NTNG1: variants seen among roughly 807,000 people sequenced by gnomAD.
NTNG1 encodes netrin-G1.
In NTNG1, 16 loss-of-function variants were observed where a neutral mutation model predicts 54.0. The observed-to-expected ratio is 0.30, with a 90% confidence interval of 0.20 to 0.45. The LOEUF (loss-of-function observed/expected upper bound fraction) is 0.45, where lower values mean the gene tolerates loss of function less well. Among genes scored for constraint, NTNG1 ranks in the 20% least tolerant of loss-of-function variants. The probability of loss-of-function intolerance (pLI) is 1.00; values close to 1 mark genes in which losing one functional copy is unlikely to be tolerated. For synonymous variants in NTNG1, 255 were observed against 263.1 expected (o/e 0.97, Z 0.30); for missense variants, 530 against 678.7 (o/e 0.78, Z 2.43).
intron 3 of NTNG1, among the ~76,000 whole-genome samples, chr1:107,341,513 T>C (rs1668894883): frequency 1.3e-5 from 2 of 152,092 alleles, no homozygotes; most frequent in Non-Finnish European, 2.9e-5. Context: ...TGAAGTTATA[T>C]TATACCCCAT....
intron 2 of NTNG1, among the ~76,000 whole-genome samples, chr1:107,316,609 T>G (rs1366754988): frequency 6.6e-6 from 1 of 151,962 alleles, no homozygotes; most frequent in African/African-American, 2.4e-5. Flanking sequence ...ATAAAATATC[T>G]GTTTTTTATA....
chr1:107,387,512 C>T (rs2101057827), intron 3 of NTNG1, among the ~76,000 whole-genome samples: 1 of 152,332 alleles, frequency 6.6e-6, no homozygotes, highest in East Asian at 1.9e-4. Context: ...CTAACAAGCC[C>T]TCTGCTGATA....
At chr1:107,358,209 A>G (rs751410534) in intron 3 of NTNG1, among the ~76,000 whole-genome samples, 1 of 152,134 alleles carries the variant, frequency 6.6e-6, no homozygotes, top group Non-Finnish European at 1.5e-5. Context: ...AATGCAATTG[A>G]GAGAAAATAT....
intron 2 of NTNG1, among the ~76,000 whole-genome samples, chr1:107,283,590 G>C (rs1665008049): frequency 6.6e-6 from 1 of 152,190 alleles, no homozygotes; most frequent in Non-Finnish European, 1.5e-5. Context: ...ATTAATTGCT[G>C]TATTGCCATT....
At chr1:107,185,445 G>GTGTGTC (rs1334310357) in intron 2 of NTNG1, among the ~76,000 whole-genome samples, 2 of 152,080 alleles carry the variant, frequency 1.3e-5, no homozygotes, top group Non-Finnish European at 2.9e-5. Context: ...TTCACTCTGT[G>GTGTGTC]TGTGTCTGTG....
chr1:107,281,471 A>G (rs1268070419), intron 2 of NTNG1, among the ~76,000 whole-genome samples: 2 of 152,174 alleles, frequency 1.3e-5, no homozygotes, highest in East Asian at 3.8e-4. Context: ...AGTTTTCAAG[A>G]TAATTGAGGA....
chr1:107,361,391 A>ATATATATATAT (rs370815306), intron 3 of NTNG1, among the ~76,000 whole-genome samples: 8 of 87,976 alleles, frequency 9.1e-5, no homozygotes, highest in Non-Finnish European at 8.6e-5. Context: ...ATATATATAT[A>ATATATATATAT]TTTTTTTTTT....
chr1:107,319,064 C>T (rs1408792524), intron 2 of NTNG1, among the ~76,000 whole-genome samples: 2 of 152,146 alleles, frequency 1.3e-5, no homozygotes, highest in Non-Finnish European at 2.9e-5. Flanking sequence ...ATTGTTCTTA[C>T]CTCTGGTACT....
intron 3 of NTNG1, among the ~76,000 whole-genome samples, chr1:107,383,272 A>G (rs1671758086): frequency 6.6e-6 from 1 of 152,228 alleles, no homozygotes; most frequent in Non-Finnish European, 1.5e-5. Flanking sequence ...CTCTAGCCAG[A>G]GCCTGCCTGA....
intron 2 of NTNG1, among the ~76,000 whole-genome samples, chr1:107,262,317 T>C (rs1441299317): frequency 6.6e-6 from 1 of 151,708 alleles, no homozygotes; most frequent in Non-Finnish European, 1.5e-5. Context: ...CAGAATGGAG[T>C]CTTTTGTGGG....
At position 107,324,341 on chromosome 1, in the gene NTNG1, C is replaced by G. The variant is rs1210488712; in HGVS notation, c.306C>G (p.Pro102=). ...CGAGTACCCCTGAGCTGGCACACCC[C>G]CCTGAGCTGATGTTTGATTTTGAAG... ...CDASTPELAH[P]PELMFDFEGR... The change falls in exon 3 of 8, where the codon CCC becomes CCG. Residue 102 remains proline, a synonymous_variant. Transcript: ENST00000370068. 6.2e-7 allele frequency: 1 copy of G among 1,613,684 alleles called. No homozygotes were observed. Among genetic ancestry groups the G allele is most frequent in the South Asian group, 1.1e-5 (1 of 91,070 alleles).
chr1:107,311,046 C>T (rs1193811917), intron 2 of NTNG1, among the ~76,000 whole-genome samples: 1 of 152,120 alleles, frequency 6.6e-6, no homozygotes, highest in Non-Finnish European at 1.5e-5. Flanking sequence ...GGCAAATAAA[C>T]AAAGAGCATA....
At chr1:107,196,259 G>A (rs2101238272) in intron 2 of NTNG1, among the ~76,000 whole-genome samples, 1 of 152,074 alleles carries the variant, frequency 6.6e-6, no homozygotes, top group African/African-American at 2.4e-5. Context: ...TTGACTACCA[G>A]CTCTTGATCT....
chr1:107,192,470 C>T (rs1267939134), intron 2 of NTNG1, among the ~76,000 whole-genome samples: 1 of 152,014 alleles, frequency 6.6e-6, no homozygotes, highest in East Asian at 1.9e-4. Flanking sequence ...CTTCTCAAAA[C>T]CTCTTGGCCC....
chr1:107,228,258 C>T (rs1188155334), intron 2 of NTNG1, among the ~76,000 whole-genome samples: 2 of 152,176 alleles, frequency 1.3e-5, no homozygotes, highest in Admixed American at 6.6e-5. Context: ...CTCTCACTTT[C>T]CTGCTCTTTC....
intron 2 of NTNG1, among the ~76,000 whole-genome samples, chr1:107,157,650 G>A (rs1004620068): frequency 2.0e-5 from 3 of 151,950 alleles, no homozygotes; most frequent in Admixed American, 2.0e-4. Flanking sequence ...GGTAAAAATG[G>A]CATTTCATTT....
intron 7 of NTNG1, among the ~76,000 whole-genome samples, chr1:107,467,012 C>T (rs1677648699): frequency 6.6e-6 from 1 of 152,128 alleles, no homozygotes; most frequent in Middle Eastern, 3.2e-3. Context: ...TAGGAAAGAA[C>T]TCAGTACATC....
intron 5 of NTNG1, among the ~76,000 whole-genome samples, chr1:107,425,077 T>C (rs114544359): frequency 0.023 from 3,513 of 152,128 alleles, 139 homozygotes; most frequent in African/African-American, 0.08. Context: ...GGGGACCCCA[T>C]TGAGGTTTAT....
intron 2 of NTNG1, among the ~76,000 whole-genome samples, chr1:107,207,943 C>T (rs1244095109): frequency 2.0e-5 from 3 of 152,158 alleles, no homozygotes; most frequent in Non-Finnish European, 2.9e-5. Flanking sequence ...TCCACCCTGT[C>T]TCTGGTTCCA....
Sources: gnomAD v4.1 joint callset for allele counts (sites outside exome capture counted in the v4.1 genomes callset) on GRCh38, gnomAD v4.1.1 for gene constraint, MANE v1.5 for transcripts, NCBI Gene and HGNC (gene_info 2026-07-23, HGNC 2026-07-21) for gene names.